Variants in STK32C observed in about 807,000 individuals in gnomAD.
The protein encoded by STK32C is serine/threonine-protein kinase 32C.
A neutral mutation model predicts 56.5 loss-of-function variants in STK32C; 31 were observed. That is an observed-to-expected ratio of 0.55 (90% confidence interval 0.41 to 0.74). The LOEUF (loss-of-function observed/expected upper bound fraction) is 0.74. Among genes scored for constraint, STK32C ranks in the 30% least tolerant of loss-of-function variants. The pLI is 0.00. For synonymous variants in STK32C, 309 were observed against 289.4 expected (o/e 1.07, Z -0.69); for missense variants, 544 against 676.9 (o/e 0.80, Z 2.18).
chr10:132,304,858 T>C (rs1286405701), intron 1 of STK32C, among the ~76,000 whole-genome samples: 1 of 152,214 alleles, frequency 6.6e-6, no homozygotes, highest in African/African-American at 2.4e-5. Flanking sequence ...CTTCCCCAGA[T>C]GAAGGCAAAG....
rs2138028122 is a variant in STK32C, at chr10:132,255,904, G to GCAGA, written c.263-9953_263-9950dup. Reference sequence around the variant, plus strand: ...TTCTCCACCGTCCCCTCACCCAGGGGCAGACCCCCATGACCAGCAGCCTGC... The same window carrying GCAGA: ...TTCTCCACCGTCCCCTCACCCAGGGGCAGACAGACCCCCATGACCAGCAGCCTGC... On this transcript the variant is annotated intron_variant, in intron 1 of 11. Transcript: ENST00000298630. This position sits in a 1 kb window ranked among gnomAD's most constrained non-coding sequence, Gnocchi z 4.6. Among the ~76,000 whole-genome samples, 1 of 152,316 alleles carries GCAGA rather than the reference G, an allele frequency of 6.6e-6. No individual in the cohort carries two copies. Among genetic ancestry groups the GCAGA allele is most frequent in the Non-Finnish European group, 1.5e-5 (1 of 68,016 alleles).
chr10:132,279,977 AC>A (rs1191981702), intron 1 of STK32C, among the ~76,000 whole-genome samples: 1 of 131,290 alleles, frequency 7.6e-6, no homozygotes, highest in Non-Finnish European at 1.6e-5. Flanking sequence ...ACGCCCCTGC[AC>A]CCCGTGACCA....
In STK32C at chr10:132,225,242, C is replaced by A. The variant is rs758040109; in HGVS notation, c.867G>T (p.Leu289=). The A allele has an allele frequency of 2.5e-6, 4 of 1,609,984 alleles. No individual in the cohort carries two copies. Among genetic ancestry groups the A allele is most frequent in the East Asian group, 2.2e-5 (1 of 44,760 alleles). The change falls in exon 7 of 12, where the codon CTG becomes CTT. Residue 289 remains leucine, a synonymous_variant. Coordinates refer to ENST00000298630, the MANE Select transcript of STK32C (RefSeq NM_173575.4). The part of the protein sequence containing the change: ...WSVGVMAYEL[L]RGWRPYDIHS... ...TGCAGGGGGTCCATACCCATCCTCG[C>A]AGCAGCTCATAGGCCATCACCCCCA...
intron 1 of STK32C, among the ~76,000 whole-genome samples, chr10:132,261,015 G>A (rs1475370926): frequency 3.3e-5 from 5 of 151,544 alleles, no homozygotes; most frequent in Admixed American, 2.0e-4. Flanking sequence ...GAAGCTGTCC[G>A]ACTGGCATCC....
chr10:132,253,612 C>T (rs1239754615), intron 1 of STK32C, among the ~76,000 whole-genome samples: 10 of 124,040 alleles, frequency 8.1e-5, no homozygotes, highest in African/African-American at 2.5e-4. Flanking sequence ...TGGAGGGAGC[C>T]GAGGGAGCTG....
chr10:132,251,144 G>A (rs1447139056), intron 1 of STK32C, among the ~76,000 whole-genome samples: 1 of 152,186 alleles, frequency 6.6e-6, no homozygotes, highest in African/African-American at 2.4e-5. Flanking sequence ...GGGTCTAGGA[G>A]CCACCATGTG....
At position 132,307,511 on chromosome 10, in the gene STK32C, C is replaced by A; in HGVS notation, c.262+61G>T. ...GGAACCCCTGCGGGAAAAAGCCGCC[C>A]AGCCGCGCCCGCCCCTGCAATAGCG... On this transcript the variant is annotated intron_variant, in intron 1 of 11. Transcript: ENST00000298630. This position sits in a 1 kb window ranked among gnomAD's most constrained non-coding sequence, Gnocchi z 4.4. 2.0e-6 allele frequency: 3 copies of A among 1,489,658 alleles called. No individual in the cohort carries two copies. Among genetic ancestry groups the A allele is most frequent in the Non-Finnish European group, 2.7e-6 (3 of 1,118,076 alleles). The allele number at this position is 1,489,658 out of a possible 1,614,324, so 92.3% of individuals were successfully genotyped here.
intron 2 of STK32C, among the ~76,000 whole-genome samples, chr10:132,232,838 G>A (rs1366342490): frequency 1.3e-5 from 2 of 151,964 alleles, no homozygotes; most frequent in Non-Finnish European, 1.5e-5. Context: ...TGACGGGGAG[G>A]CCACAGCGCC....
At chr10:132,326,668 A>C (rs1445018529) in intron 1 of STK32C, among the ~76,000 whole-genome samples, 1 of 152,212 alleles carries the variant, frequency 6.6e-6, no homozygotes, top group Admixed American at 6.5e-5. Flanking sequence ...GTCTAACCCC[A>C]AAAGGAGAGG....
chr10:132,254,145 TAAAA>T (rs2064019259), intron 1 of STK32C, among the ~76,000 whole-genome samples: 1 of 152,036 alleles, frequency 6.6e-6, no homozygotes, highest in South Asian at 2.1e-4. Context: ...CCGTCTCTAC[TAAAA>T]ATACAAAAAA....
intron 2 of STK32C, among the ~76,000 whole-genome samples, chr10:132,241,118 C>CT (rs2063485195): frequency 1.3e-5 from 2 of 152,254 alleles, no homozygotes; most frequent in South Asian, 2.1e-4. Context: ...GGCTGTTATT[C>CT]CCAGGAGCAC....
chr10:132,285,859 C>T (rs1051958740), intron 1 of STK32C, among the ~76,000 whole-genome samples: 1 of 152,164 alleles, frequency 6.6e-6, no homozygotes, highest in Non-Finnish European at 1.5e-5. Context: ...CGGTGGCTCA[C>T]GCGTGTAAGC....
chr10:132,304,653 T>C (rs1490164546), intron 1 of STK32C, among the ~76,000 whole-genome samples: 1 of 152,234 alleles, frequency 6.6e-6, no homozygotes, highest in Non-Finnish European at 1.5e-5. Context: ...AAGTTACAGA[T>C]ACCGTGGCAT....
intron 1 of STK32C, among the ~76,000 whole-genome samples, chr10:132,291,051 T>TG (rs951965481): frequency 5.3e-5 from 8 of 152,228 alleles, no homozygotes; most frequent in Non-Finnish European, 7.3e-5. Flanking sequence ...CTCATGGCTG[T>TG]GGGACCTCAC....
chr10:132,272,795 A>C (rs2064871064), intron 1 of STK32C, among the ~76,000 whole-genome samples: 1 of 152,022 alleles, frequency 6.6e-6, no homozygotes, highest in Admixed American at 6.6e-5. Flanking sequence ...CCACACTCCC[A>C]TTTCTCTCAA....
chr10:132,310,977 G>C (rs570536263), upstream of STK32C, among the ~76,000 whole-genome samples: 8 of 152,348 alleles, frequency 5.3e-5, no homozygotes, highest in South Asian at 1.7e-3. This position sits in a 1 kb window ranked among gnomAD's most constrained non-coding sequence, Gnocchi z 4.6. Context: ...CCATGCTGCA[G>C]GACAGCAAGT....
chr10:132,278,479 C>T (rs4310537), intron 1 of STK32C, among the ~76,000 whole-genome samples: 66,041 of 151,984 alleles, frequency 0.43, 15,492 homozygotes, highest in African/African-American at 0.6. Context: ...ATCAAAATAC[C>T]GGCCGGGCGC....
At chr10:132,328,578 T>C (rs1014743359) in intron 1 of STK32C, among the ~76,000 whole-genome samples, 22 of 152,226 alleles carry the variant, frequency 1.4e-4, no homozygotes, top group African/African-American at 5.1e-4. Flanking sequence ...GGGAAAGGGC[T>C]ATTACCCATT....
intron 1 of STK32C, among the ~76,000 whole-genome samples, chr10:132,274,546 G>A (rs1464798795): frequency 2.6e-5 from 4 of 152,198 alleles, no homozygotes; most frequent in Non-Finnish European, 4.4e-5. Flanking sequence ...AGGCTGCACC[G>A]CCCGCTGACA....
Sources: allele counts gnomAD v4.1 joint callset (sites outside exome capture counted in the v4.1 genomes callset), GRCh38; gene constraint gnomAD v4.1.1; non-coding constraint Gnocchi (gnomAD v3.1); transcripts MANE v1.5; gene names NCBI Gene and HGNC (gene_info 2026-07-23, HGNC 2026-07-21).